Variants in PRRG1 observed in about 807,000 individuals in gnomAD.
PRRG1 encodes proline rich and Gla domain 1, also known as transmembrane gamma-carboxyglutamic acid protein 1.
In PRRG1, 5 loss-of-function variants were observed where a neutral mutation model predicts 11.8. The observed-to-expected ratio is 0.42, with a 90% confidence interval of 0.22 to 0.89. PRRG1 has a LOEUF of 0.89. Ranked by LOEUF, PRRG1 falls within the 40% of genes least tolerant of loss-of-function variation. The probability of loss-of-function intolerance (pLI) is 0.28; values close to 1 mark genes in which losing one functional copy is unlikely to be tolerated. For missense variants in PRRG1, 155 were observed against 166.1 expected, an observed-to-expected ratio of 0.93 and a Z score of 0.37; for synonymous variants, 66 against 60.4, an observed-to-expected ratio of 1.09 and a Z score of -0.43.
At chrX:37,448,553 A>T (rs1490047965) in intron 3 of PRRG1, among the ~76,000 whole-genome samples, 1 of 111,882 alleles carries the variant, frequency 8.9e-6, no homozygotes, top group African/African-American at 3.3e-5. Flanking sequence ...CATCTAAATT[A>T]CTAGAATTTC....
chrX:37,386,013 G>C (rs1931316582), intron 1 of PRRG1, among the ~76,000 whole-genome samples: 1 of 111,362 alleles, frequency 9.0e-6, no homozygotes, highest in South Asian at 3.8e-4. Context: ...CACCGGCCTT[G>C]GCCTCCCCAA....
chrX:37,373,954 A>G (rs1930851027), intron 1 of PRRG1, among the ~76,000 whole-genome samples: 1 of 111,229 alleles, frequency 9.0e-6, no homozygotes, highest in African/African-American at 3.3e-5. Flanking sequence ...ATTCTTCTGT[A>G]CCTAATTTGT....
chrX:37,421,741 A>G (rs889158318), intron 2 of PRRG1, among the ~76,000 whole-genome samples: 1 of 112,461 alleles, frequency 8.9e-6, no homozygotes, highest in Non-Finnish European at 1.9e-5. Flanking sequence ...AAAGAAAATA[A>G]TCTAGTTCTG....
chrX:37,400,058 CAT>C (rs1227324048), intron 1 of PRRG1, among the ~76,000 whole-genome samples: 2 of 111,451 alleles, frequency 1.8e-5, no homozygotes, highest in Non-Finnish European at 3.8e-5. Flanking sequence ...CCACTATCAA[CAT>C]TAGACAGATC....
chrX:37,452,046 T>C (rs1921160435), intron 3 of PRRG1, among the ~76,000 whole-genome samples: 1 of 111,867 alleles, frequency 8.9e-6, no homozygotes, highest in East Asian at 2.8e-4. Flanking sequence ...TAATATGAAA[T>C]GGCAGACATT....
chrX:37,447,315 A>G (rs974103016), intron 3 of PRRG1, among the ~76,000 whole-genome samples: 1 of 112,117 alleles, frequency 8.9e-6, no homozygotes, highest in Non-Finnish European at 1.9e-5. Context: ...AACAGGGTTA[A>G]GATAGAAAAC....
At chrX:37,377,341 T>C (rs909098677) in intron 1 of PRRG1, among the ~76,000 whole-genome samples, 1 of 111,860 alleles carries the variant, frequency 8.9e-6, no homozygotes, top group Non-Finnish European at 1.9e-5. Context: ...TTCTGCCTCA[T>C]ATGATAGCCA....
At chrX:37,450,528 A>T (rs1446630069) in intron 3 of PRRG1, among the ~76,000 whole-genome samples, 1 of 112,565 alleles carries the variant, frequency 8.9e-6, no homozygotes, top group Non-Finnish European at 1.9e-5. Flanking sequence ...AGAGAAATTG[A>T]ATTATGCAAG....
At chrX:37,400,239 A>T (rs1276322782) in intron 1 of PRRG1, among the ~76,000 whole-genome samples, 2 of 111,186 alleles carry the variant, frequency 1.8e-5, no homozygotes, top group Admixed American at 9.6e-5. Flanking sequence ...GAAGTAAAGC[A>T]CTCCTCAGCA....
chrX:37,421,990 C>T lies in PRRG1; in HGVS notation c.11-3850C>T, dbSNP rs190450387. On this transcript the variant is annotated intron_variant, in intron 2 of 3. Transcript: ENST00000378628. ...AGTTCTTAGTATTATATTACCTTGC[C>T]GCCCAGTACAAGAAATACATAGAAT... Among the ~76,000 whole-genome samples the T allele has an allele frequency of 1.2e-3, 129 of 111,552 alleles. 1 individual carries two copies. The highest frequency in any genetic ancestry group is 4.0e-3 in the African/African-American group (122 of 30,764).
intron 2 of PRRG1, among the ~76,000 whole-genome samples, chrX:37,413,682 T>C (rs1556384444): frequency 9.0e-6 from 1 of 111,636 alleles, no homozygotes; most frequent in African/African-American, 3.3e-5. Context: ...TTTTGGCCAG[T>C]TAAATAGGTG....
chrX:37,391,848 A>G (rs1162241076), intron 1 of PRRG1, among the ~76,000 whole-genome samples: 1 of 112,334 alleles, frequency 8.9e-6, no homozygotes, highest in Non-Finnish European at 1.9e-5. Flanking sequence ...ATTATCTTTA[A>G]TATTTTATTG....
chrX:37,386,667 C>T (rs782227818), intron 1 of PRRG1: 1 of 112,023 alleles, frequency 8.9e-6, no homozygotes, highest in Non-Finnish European at 1.9e-5. Context: ...TATTGTATAT[C>T]ATCATAGAGC....
intron 1 of PRRG1, among the ~76,000 whole-genome samples, chrX:37,354,114 G>A (rs1930158013): frequency 8.9e-6 from 1 of 112,035 alleles, no homozygotes; most frequent in Non-Finnish European, 1.9e-5. Flanking sequence ...TGAAACTTCA[G>A]CATGTACAAT....
At position 37,439,238 on chromosome X, in the gene PRRG1, A is replaced by C. The variant is rs189771614; in HGVS notation, c.171+13238A>C. On this transcript the variant is annotated intron_variant, in intron 3 of 3. Coordinates refer to ENST00000378628, the MANE Select transcript of PRRG1 (RefSeq NM_001142395.2). ...GGGTCACACTAATGCTATAACTTAA[A>C]ATGGCATTATTATTTAAATATTAAG... Among the ~76,000 whole-genome samples the C allele has an allele frequency of 2.5e-4, 28 of 111,960 alleles. No homozygotes were observed. The East Asian group carries it at 3.1e-3, about 12-fold the overall frequency.
chrX:37,358,181 A>G (rs1185709387), intron 1 of PRRG1, among the ~76,000 whole-genome samples: 2 of 110,342 alleles, frequency 1.8e-5, no homozygotes, highest in African/African-American at 6.6e-5. Context: ...TTCTGCAAAT[A>G]TTTTCTCACA....
At chrX:37,451,562 C>G (rs1169273911) in intron 3 of PRRG1, among the ~76,000 whole-genome samples, 1 of 111,875 alleles carries the variant, frequency 8.9e-6, no homozygotes, top group Admixed American at 9.5e-5. Flanking sequence ...TGTATCTAGA[C>G]TCTACTTTTT....
At chrX:37,352,122 G>A (rs1394484553) in intron 1 of PRRG1, among the ~76,000 whole-genome samples, 1 of 111,929 alleles carries the variant, frequency 8.9e-6, no homozygotes, top group Admixed American at 9.4e-5. Context: ...TTCTTCTCCT[G>A]AATGGATATA....
chrX:37,406,666 TA>T (rs1426022350), intron 2 of PRRG1, among the ~76,000 whole-genome samples: 2 of 109,961 alleles, frequency 1.8e-5, no homozygotes, highest in African/African-American at 3.3e-5. Flanking sequence ...ATAACAGTAG[TA>T]AAAAAAAATC....
Sources: gnomAD v4.1 joint callset for allele counts (sites outside exome capture counted in the v4.1 genomes callset) on GRCh38, gnomAD v4.1.1 for gene constraint, MANE v1.5 for transcripts, NCBI Gene and HGNC (gene_info 2026-07-23, HGNC 2026-07-21) for gene names.